Variants in ZNF654 observed in about 807,000 individuals in gnomAD.
ZNF654 encodes the protein melanoma-associated antigen.
A neutral mutation model predicts 95.3 loss-of-function variants in ZNF654; 19 were observed. That is an observed-to-expected ratio of 0.20 (90% CI 0.14 to 0.29). ZNF654 has a LOEUF of 0.29. Ranked by LOEUF, ZNF654 falls within the 10% of genes least tolerant of loss-of-function variation. ZNF654 has a pLI of 1.00. For missense variants in ZNF654, 1,046 were observed against 1,341.0 expected, an observed-to-expected ratio of 0.78 and a Z score of 3.44; for synonymous variants, 413 against 457.9, an observed-to-expected ratio of 0.90 and a Z score of 1.25.
rs1255628071 is a variant in ZNF654, at chr3:88,141,905, T to TAGC, written c.*261_*263dup. On this transcript the variant is annotated 3_prime_UTR_variant, in exon 9 of 9. Coordinates refer to ENST00000636215, the MANE Select transcript of ZNF654 (RefSeq NM_001350134.2). ...ACATTTTACAGTTTATGATGATTAA[T>TAGC]AGCAGCAGCATGTTCAGTTTCGCTT... 5.8e-6 allele frequency: 2 copies of TAGC among 343,858 alleles called. No homozygotes were observed. The highest frequency in any genetic ancestry group is 4.2e-5 in the African/African-American group (2 of 47,458). 21.3% of individuals were successfully genotyped at this position (343,858 alleles called of 1,614,324 possible). A position where few individuals can be genotyped will look rare whatever the true frequency, so the allele number is the denominator to read the frequency against.
intron 1 of ZNF654, among the ~76,000 whole-genome samples, chr3:88,068,168 A>C (rs1470211186): frequency 6.6e-6 from 1 of 151,680 alleles, no homozygotes; most frequent in Non-Finnish European, 1.5e-5. Flanking sequence ...TTTGAATTTG[A>C]TCATTGTGAA....
At position 88,140,816 on chromosome 3, in the gene ZNF654, A is replaced by G; in HGVS notation, c.3147A>G (p.Arg1049=). 2 of 1,613,740 alleles carry G rather than the reference A, an allele frequency of 1.2e-6. No individual in the cohort carries two copies. Among genetic ancestry groups the G allele is most frequent in the Non-Finnish European group, 1.7e-6 (2 of 1,179,738 alleles). ...YGLILTKPYV[R]PLPPSYLDER... ...TAATTTTAACAAAACCATACGTCAG[A>G]CCATTGCCTCCCAGTTACCTTGATG... The change falls in exon 8 of 9, where the codon AGA becomes AGG. Residue 1049 remains arginine (R), a synonymous_variant. Coordinates refer to ENST00000636215, the MANE Select transcript of ZNF654 (RefSeq NM_001350134.2).
chr3:88,137,760 A>T (rs1410502860), intron 7 of ZNF654, among the ~76,000 whole-genome samples: 1 of 152,146 alleles, frequency 6.6e-6, no homozygotes, highest in Non-Finnish European at 1.5e-5. Flanking sequence ...GGATGTGCCA[A>T]GTTAAAGTCT....
At chr3:88,113,431 G>A (rs1705210101) in intron 3 of ZNF654, among the ~76,000 whole-genome samples, 2 of 152,136 alleles carry the variant, frequency 1.3e-5, no homozygotes, top group South Asian at 4.1e-4. Flanking sequence ...TTAGAAAAGA[G>A]CCTGCTACCA....
At chr3:88,112,892 C>T (rs548563911) in intron 2 of ZNF654, among the ~76,000 whole-genome samples, 1 of 151,934 alleles carries the variant, frequency 6.6e-6, no homozygotes, top group Non-Finnish European at 1.5e-5. Context: ...TTGTTTCATT[C>T]TATAGTTCTA....
At position 88,083,941 on chromosome 3, in the gene ZNF654, T is replaced by TTATATATA. The variant is rs78670676; in HGVS notation, c.187-2297_187-2290dup. 3.0e-3 allele frequency among the ~76,000 whole-genome samples: 439 copies of TTATATATA among 147,758 alleles called. 3 individuals are homozygous for TTATATATA. Among genetic ancestry groups the TTATATATA allele is most frequent in the African/African-American group, 0.01 (413 of 40,100 alleles). On this transcript the variant is annotated intron_variant, in intron 1 of 8. Coordinates refer to ENST00000636215, the MANE Select transcript of ZNF654 (RefSeq NM_001350134.2). ...AATAGGACAATGTAATGTACTTATT[T>TTATATATA]TATATATATATATATATATATATAT...
chr3:88,125,890 A>C (rs1405310596), intron 3 of ZNF654, among the ~76,000 whole-genome samples: 1 of 152,198 alleles, frequency 6.6e-6, no homozygotes, highest in Non-Finnish European at 1.5e-5. Flanking sequence ...TTTAGGTTAC[A>C]CGTCATCCCT....
chr3:88,080,987 G>A (rs1173766424), intron 1 of ZNF654, among the ~76,000 whole-genome samples: 3 of 152,022 alleles, frequency 2.0e-5, no homozygotes, highest in Admixed American at 6.5e-5. Context: ...GTGATCTCAC[G>A]TTGTATTTAG....
chr3:88,131,870 T>C (rs1706486275), intron 6 of ZNF654, among the ~76,000 whole-genome samples: 1 of 152,152 alleles, frequency 6.6e-6, no homozygotes, highest in Non-Finnish European at 1.5e-5. Context: ...AAGTCTGTGC[T>C]GTCTGTTTCA....
chr3:88,087,392 A>C (rs1462841458), intron 2 of ZNF654, among the ~76,000 whole-genome samples: 13 of 152,208 alleles, frequency 8.5e-5, no homozygotes, highest in Non-Finnish European at 2.9e-5. Flanking sequence ...CTGGTTTTTA[A>C]AAAATGCTTA....
intron 1 of ZNF654, among the ~76,000 whole-genome samples, chr3:88,064,265 T>G (rs959497495): frequency 6.6e-6 from 1 of 152,166 alleles, no homozygotes; most frequent in Non-Finnish European, 1.5e-5. Context: ...CCTAGTTGTT[T>G]TAGATGGAAT....
At chr3:88,083,908 T>C (rs903572157) in intron 1 of ZNF654, among the ~76,000 whole-genome samples, 1 of 149,586 alleles carries the variant, frequency 6.7e-6, no homozygotes, top group African/African-American at 2.5e-5. Context: ...GGAGAAAAAT[T>C]TCATTTTAAT....
intron 2 of ZNF654, among the ~76,000 whole-genome samples, chr3:88,099,730 T>A (rs1704290339): frequency 6.6e-6 from 1 of 152,182 alleles, no homozygotes. Context: ...GAGAAAGGAT[T>A]CCCTATTTAA....
At position 88,119,561 on chromosome 3, in the gene ZNF654, A is replaced by C. The variant is rs74898190; in HGVS notation, c.414+6365A>C. The stretch of plus-strand genomic sequence containing the variant: ...TATAATAATAAATTAAAAAAAAAAA[A>C]ACAATAATTATTGGAGACTAACTAG... On this transcript the variant is annotated intron_variant, in intron 3 of 8. Coordinates refer to ENST00000636215, the MANE Select transcript of ZNF654 (RefSeq NM_001350134.2). Among the ~76,000 whole-genome samples the C allele has an allele frequency of 3.0e-3, 462 of 152,082 alleles. 4 individuals carry two copies. Among genetic ancestry groups the C allele is most frequent in the African/African-American group, 0.011 (441 of 41,474 alleles).
At chr3:88,097,228 A>T (rs1704118170) in intron 2 of ZNF654, among the ~76,000 whole-genome samples, 1 of 152,158 alleles carries the variant, frequency 6.6e-6, no homozygotes, top group Admixed American at 6.5e-5. Flanking sequence ...TTTATCACTT[A>T]TCACACATTT....
At chr3:88,122,714 A>T (rs1464032173) in intron 3 of ZNF654, among the ~76,000 whole-genome samples, 15 of 152,094 alleles carry the variant, frequency 9.9e-5, no homozygotes, top group Non-Finnish European at 2.2e-4. Flanking sequence ...ATTCTAGAAA[A>T]ATACAATATG....
intron 2 of ZNF654, among the ~76,000 whole-genome samples, chr3:88,104,155 A>G (rs1704600751): frequency 6.6e-6 from 1 of 152,188 alleles, no homozygotes; most frequent in South Asian, 2.1e-4. Context: ...TGAACTACAG[A>G]AAAATGTTAA....
intron 2 of ZNF654, among the ~76,000 whole-genome samples, chr3:88,109,169 G>GTGTA (rs1195942085): frequency 2.6e-5 from 4 of 151,278 alleles, no homozygotes; most frequent in Admixed American, 6.6e-5. Context: ...GTGTGTGTGT[G>GTGTA]TGTGTGTGTG....
intron 1 of ZNF654, among the ~76,000 whole-genome samples, chr3:88,066,788 T>G (rs1401210438): frequency 6.6e-6 from 1 of 152,074 alleles, no homozygotes; most frequent in Non-Finnish European, 1.5e-5. Context: ...ACCTTAAAAA[T>G]TACAAACAAA....
Sources: allele counts gnomAD v4.1 joint callset (sites outside exome capture counted in the v4.1 genomes callset), GRCh38; gene constraint gnomAD v4.1.1; transcripts MANE v1.5; gene names NCBI Gene and HGNC (gene_info 2026-07-23, HGNC 2026-07-21).